Variants in ARHGAP44 observed in about 807,000 individuals in gnomAD.
ARHGAP44 encodes rho GTPase-activating protein 44.
Under a neutral mutation model 106.8 loss-of-function variants are expected in ARHGAP44, and 43 were observed. The ratio of observed to expected loss-of-function variants is 0.40; its 90% CI spans 0.32 to 0.52. The LOEUF (loss-of-function observed/expected upper bound fraction) is 0.52, where lower values mean the gene tolerates loss of function less well. Ranked by LOEUF, ARHGAP44 falls within the 20% of genes least tolerant of loss-of-function variation. ARHGAP44 has a pLI of 0.48. For missense variants in ARHGAP44, 866 were observed against 1,050.5 expected (o/e 0.82, Z 2.43); for synonymous variants, 439 against 410.3 (o/e 1.07, Z -0.85).
chr17:12,908,719 C>G (rs1005962530), intron 3 of ARHGAP44, among the ~76,000 whole-genome samples, 178 bp from the exon 4 acceptor site: 5 of 152,202 alleles, frequency 3.3e-5, no homozygotes, highest in Admixed American at 1.3e-4. Flanking sequence ...TGAATTTTGA[C>G]ATCTCTAAGT....
chr17:12,902,982 C>T (rs1195567470), intron 3 of ARHGAP44, among the ~76,000 whole-genome samples: 18 of 151,944 alleles, frequency 1.2e-4, no homozygotes, highest in Non-Finnish European at 1.0e-4. Context: ...AGCATCAAGC[C>T]TTGGCTGTGT....
At chr17:12,821,182 C>T (rs1203422187) in intron 1 of ARHGAP44, among the ~76,000 whole-genome samples, 1 of 152,102 alleles carries the variant, frequency 6.6e-6, no homozygotes, top group Non-Finnish European at 1.5e-5. Context: ...GAAATCAAAA[C>T]AGGACAGTTG....
At chr17:12,984,145 C>T (rs1244375669) in intron 19 of ARHGAP44, among the ~76,000 whole-genome samples, 1 of 152,180 alleles carries the variant, frequency 6.6e-6, no homozygotes, top group Non-Finnish European at 1.5e-5. Context: ...TGGACCCTGC[C>T]CCACTGACTC....
At chr17:12,942,110 G>A (rs983982914) in intron 8 of ARHGAP44, among the ~76,000 whole-genome samples, 21 of 152,138 alleles carry the variant, frequency 1.4e-4, no homozygotes, top group Non-Finnish European at 2.6e-4. Flanking sequence ...GAGTTGATAT[G>A]CATTACTTCC....
At chr17:12,947,910 A>G (rs2038896078) in intron 10 of ARHGAP44, among the ~76,000 whole-genome samples, 1 of 152,168 alleles carries the variant, frequency 6.6e-6, no homozygotes, top group South Asian at 2.1e-4. Flanking sequence ...GATGTACCCT[A>G]TATTGAGAAG....
At chr17:12,926,459 C>CATATATAAT (rs1210851526) in intron 6 of ARHGAP44, among the ~76,000 whole-genome samples, 1 of 111,282 alleles carries the variant, frequency 9.0e-6, no homozygotes. Flanking sequence ...AATATATATA[C>CATATATAAT]ATATATAATA....
intron 1 of ARHGAP44, among the ~76,000 whole-genome samples, chr17:12,875,023 C>T (rs1400120576): frequency 6.6e-6 from 1 of 152,026 alleles, no homozygotes; most frequent in Non-Finnish European, 1.5e-5. Flanking sequence ...AGTTTGTTAA[C>T]TCAGAGTGGG....
chr17:12,973,121 CA>C, intron 16 of ARHGAP44, 180 bp from the exon 17 acceptor site: 1 of 627,866 alleles, frequency 1.6e-6, no homozygotes, highest in African/African-American at 1.8e-5. Context: ...CTTACACTTA[CA>C]CAAATAGGAG....
intron 4 of ARHGAP44, among the ~76,000 whole-genome samples, chr17:12,909,795 A>C (rs1348845838): frequency 6.6e-6 from 1 of 152,230 alleles, no homozygotes; most frequent in Non-Finnish European, 1.5e-5. Context: ...TTTCTTTTCC[A>C]GATTTAAAGA....
At chr17:12,917,640 C>T (rs1359874277) in intron 5 of ARHGAP44, among the ~76,000 whole-genome samples, 3 of 152,102 alleles carry the variant, frequency 2.0e-5, no homozygotes, top group African/African-American at 7.2e-5. Flanking sequence ...CGGAAAAATA[C>T]GTCACTAGCC....
At chr17:12,886,134 A>G (rs9910754) in intron 1 of ARHGAP44, among the ~76,000 whole-genome samples, 102,792 of 151,290 alleles carry the variant, frequency 0.68, 35,324 homozygotes, top group East Asian at 0.98. Context: ...TTTTTTAGAG[A>G]CCACTGATCA....
At chr17:12,903,914 C>T (rs1402104760) in intron 3 of ARHGAP44, among the ~76,000 whole-genome samples, 1 of 152,160 alleles carries the variant, frequency 6.6e-6, no homozygotes, top group African/African-American at 2.4e-5. Context: ...TGCTACAATG[C>T]CTGGCATCTC....
intron 1 of ARHGAP44, among the ~76,000 whole-genome samples, chr17:12,853,629 G>C (rs546829567): frequency 6.6e-6 from 1 of 152,182 alleles, no homozygotes. Context: ...ATCACTGACT[G>C]TTCAGTCCTT....
chr17:12,914,446 G>A (rs929229942), intron 4 of ARHGAP44, among the ~76,000 whole-genome samples: 7 of 152,162 alleles, frequency 4.6e-5, no homozygotes, highest in African/African-American at 1.7e-4. Context: ...TTCAAAGAAC[G>A]AAATTCTCCA....
At chr17:12,942,572 A>G (rs1052330923) in intron 8 of ARHGAP44, among the ~76,000 whole-genome samples, 9 of 152,234 alleles carry the variant, frequency 5.9e-5, no homozygotes, top group Non-Finnish European at 1.3e-4. Context: ...TGACATTCCA[A>G]GCTTTACTAG....
chr17:12,854,958 CAAAAAAAA>C (rs1182512832), intron 1 of ARHGAP44, among the ~76,000 whole-genome samples: 10 of 50,946 alleles, frequency 2.0e-4, no homozygotes, highest in African/African-American at 3.2e-4. Flanking sequence ...AACTCTGTCT[CAAAAAAAA>C]AAAAAAAAAA....
At chr17:12,844,365 G>A (rs1337103515) in intron 1 of ARHGAP44, among the ~76,000 whole-genome samples, 1 of 152,146 alleles carries the variant, frequency 6.6e-6, no homozygotes, top group Non-Finnish European at 1.5e-5. Context: ...CAGGCACCAG[G>A]GGCTGCACTC....
At chr17:12,808,669 A>G (rs925638474) in intron 1 of ARHGAP44, among the ~76,000 whole-genome samples, 2 of 152,126 alleles carry the variant, frequency 1.3e-5, no homozygotes, top group African/African-American at 4.8e-5. Flanking sequence ...TTTTCCTCCT[A>G]GGCTTCCATG....
chr17:12,881,539 C>G (rs1053678668), intron 1 of ARHGAP44, among the ~76,000 whole-genome samples: 5 of 152,052 alleles, frequency 3.3e-5, no homozygotes, highest in Non-Finnish European at 7.4e-5. Flanking sequence ...GTGACCGATG[C>G]AAACATTGAT....
Sources: allele counts gnomAD v4.1 joint callset (sites outside exome capture counted in the v4.1 genomes callset), GRCh38; gene constraint gnomAD v4.1.1; transcripts MANE v1.5; gene names NCBI Gene and HGNC (gene_info 2026-07-23, HGNC 2026-07-21).